The following CDH8 variants were observed in gnomAD, a reference collection of about 807,000 sequenced individuals.
CDH8 encodes the protein cadherin 8.
CDH8 carries 17 observed loss-of-function variants against 68.1 expected under a neutral mutation model. That is an observed-to-expected ratio of 0.25 (90% CI 0.17 to 0.37). CDH8 has a LOEUF of 0.37. CDH8 is among the 10% of genes least tolerant of loss of function. The pLI, the probability that CDH8 is intolerant of heterozygous loss-of-function variation, is 1.00. For missense variants in CDH8, 763 were observed against 999.3 expected, an observed-to-expected ratio of 0.76 and a Z score of 3.19; for synonymous variants, 372 against 365.1, an observed-to-expected ratio of 1.02 and a Z score of -0.21.
chr16:61,956,311 T>A (rs1964988672), intron 2 of CDH8, among the ~76,000 whole-genome samples: 1 of 152,204 alleles, frequency 6.6e-6, no homozygotes, highest in African/African-American at 2.4e-5. Flanking sequence ...GTGTTTGTTT[T>A]GTTCTAAAAG....
At chr16:61,730,398 T>C (rs1282893230) in intron 8 of CDH8, among the ~76,000 whole-genome samples, 1 of 151,528 alleles carries the variant, frequency 6.6e-6, no homozygotes, top group African/African-American at 2.4e-5. Context: ...TGATATATAA[T>C]GTTTTTTCAA....
intron 8 of CDH8, among the ~76,000 whole-genome samples, chr16:61,727,698 A>T (rs985761281): frequency 2.0e-5 from 3 of 151,094 alleles, no homozygotes; most frequent in Non-Finnish European, 4.5e-5. Flanking sequence ...ATGATAAAAG[A>T]GGTAAGATTA....
chr16:61,969,467 C>T (rs1296172289), intron 2 of CDH8, among the ~76,000 whole-genome samples: 1 of 152,156 alleles, frequency 6.6e-6, no homozygotes, highest in African/African-American at 2.4e-5. Flanking sequence ...CCTACATGGG[C>T]TTATCTATGG....
intron 8 of CDH8, among the ~76,000 whole-genome samples, chr16:61,780,294 C>G (rs1961016307): frequency 1.3e-5 from 2 of 152,178 alleles, no homozygotes; most frequent in Non-Finnish European, 2.9e-5. Flanking sequence ...AGCACATGGA[C>G]ATCTGCCTGC....
intron 2 of CDH8, among the ~76,000 whole-genome samples, chr16:61,953,665 C>T (rs1269967013): frequency 6.6e-6 from 1 of 151,090 alleles, no homozygotes; most frequent in African/African-American, 2.4e-5. Flanking sequence ...CCCAGGAATT[C>T]GAGACCAGCC....
At chr16:61,982,060 CAT>C (rs1442528450) in intron 2 of CDH8, among the ~76,000 whole-genome samples, 2 of 152,086 alleles carry the variant, frequency 1.3e-5, no homozygotes, top group East Asian at 1.9e-4. Context: ...ATGATTAGCA[CAT>C]AGTCAGTGCG....
chr16:61,953,761 TG>T (rs1053912067), intron 2 of CDH8, among the ~76,000 whole-genome samples: 41 of 151,064 alleles, frequency 2.7e-4, no homozygotes, highest in African/African-American at 8.0e-4. Context: ...TGCAGCTACT[TG>T]GGGGGCTGAG....
chr16:61,720,199 G>C (rs1959206910), intron 9 of CDH8, among the ~76,000 whole-genome samples: 1 of 150,934 alleles, frequency 6.6e-6, no homozygotes, highest in African/African-American at 2.4e-5. Flanking sequence ...GTTACCATTA[G>C]CTTCTCTGTC....
chr16:61,783,839 C>T (rs1200052692), intron 8 of CDH8, among the ~76,000 whole-genome samples: 4 of 152,102 alleles, frequency 2.6e-5, no homozygotes, highest in Non-Finnish European at 4.4e-5. Context: ...CCAAACTAAG[C>T]TTCATAAGTG....
intron 2 of CDH8, among the ~76,000 whole-genome samples, chr16:61,959,542 C>CTCTCTG (rs1473209814): frequency 9.5e-6 from 1 of 104,738 alleles, no homozygotes; most frequent in African/African-American, 3.2e-5. Flanking sequence ...CTCTCTCTCT[C>CTCTCTG]TGTGTGTGTG....
chr16:61,918,973 A>G (rs1442158401), intron 2 of CDH8, among the ~76,000 whole-genome samples: 4 of 147,610 alleles, frequency 2.7e-5, no homozygotes. Flanking sequence ...AGATCTGAGA[A>G]CCGGCAGACT....
intron 4 of CDH8, among the ~76,000 whole-genome samples, chr16:61,832,015 G>T (rs910380540): frequency 6.6e-6 from 1 of 151,604 alleles, no homozygotes; most frequent in Non-Finnish European, 1.5e-5. Context: ...TTCTATAAGT[G>T]GGGGGGTCAT....
rs552669640 is a variant in CDH8 at position 61,738,467 on chromosome 16, A to G, written c.1415-11252T>C. Among the ~76,000 whole-genome samples, 5 of 152,298 alleles carry G rather than the reference A, an allele frequency of 3.3e-5. No homozygotes were observed. The East Asian group carries it at 9.7e-4, about 29-fold the overall frequency. ...TGACATCTTGAAAACCAGGGTAGGC[A>G]CATTTACGGTTGTAAAATTTTAATC... On this transcript the variant is annotated intron_variant, in intron 8 of 11. Coordinates refer to ENST00000577390, the MANE Select transcript of CDH8 (RefSeq NM_001796.5).
chr16:61,728,933 T>C, intron 8 of CDH8, among the ~76,000 whole-genome samples: 1 of 151,320 alleles, frequency 6.6e-6, no homozygotes, highest in Non-Finnish European at 1.5e-5. Flanking sequence ...AAATGTCATG[T>C]GAGAAAAATT....
intron 7 of CDH8, among the ~76,000 whole-genome samples, chr16:61,798,486 G>A (rs543513618): frequency 6.6e-6 from 1 of 152,266 alleles, no homozygotes; most frequent in Non-Finnish European, 1.5e-5. Context: ...TATCTAGCTA[G>A]TGTAACTGAG....
chr16:61,857,993 C>T (rs1283609956), intron 3 of CDH8, among the ~76,000 whole-genome samples: 6 of 151,858 alleles, frequency 4.0e-5, no homozygotes, highest in South Asian at 4.2e-4. Flanking sequence ...AATCTCTATA[C>T]ATTTTGATGC....
At chr16:61,862,010 G>A (rs961103888) in intron 3 of CDH8, among the ~76,000 whole-genome samples, 2 of 151,986 alleles carry the variant, frequency 1.3e-5, no homozygotes, top group Non-Finnish European at 2.9e-5. Flanking sequence ...TTTGACAATA[G>A]ATTTCATTAA....
intron 10 of CDH8, chr16:61,692,706 T>G (rs1380190329): frequency 6.6e-6 from 1 of 152,128 alleles, no homozygotes; most frequent in African/African-American, 2.4e-5. Flanking sequence ...ACAGTGGATT[T>G]CTATTACTTT....
rs1350757784 is a variant in CDH8, at chr16:62,036,246, A to G, written c.-366T>C. On this transcript the variant is annotated 5_prime_UTR_variant, in exon 1 of 12. Coordinates refer to ENST00000577390, the MANE Select transcript of CDH8 (RefSeq NM_001796.5). ...CTCGGAGCTACAGGGCTTGGTGCGG[A>G]GACGCAGGGCGGGCGCGCTGGGCTC... 6.6e-6 allele frequency: 1 copy of G among 152,436 alleles called. No homozygotes were observed. The highest frequency in any genetic ancestry group is 2.4e-5 in the African/African-American group (1 of 41,462). The allele number at this position is 152,436 out of a possible 1,614,324, so 9.4% of individuals were successfully genotyped here.
Sources: gnomAD v4.1 joint callset for allele counts (sites outside exome capture counted in the v4.1 genomes callset) on GRCh38, gnomAD v4.1.1 for gene constraint, MANE v1.5 for transcripts, NCBI Gene and HGNC (gene_info 2026-07-23, HGNC 2026-07-21) for gene names.